The following CDC14A variants were observed in gnomAD, a reference collection of about 807,000 sequenced individuals.
CDC14A encodes the protein dual specificity protein phosphatase CDC14A.
Under a neutral mutation model 74.4 loss-of-function variants are expected in CDC14A, and 53 were observed. That is an observed-to-expected ratio of 0.71 (90% CI 0.57 to 0.89). The LOEUF (loss-of-function observed/expected upper bound fraction) is 0.89. Ranked by LOEUF, CDC14A falls within the 40% of genes least tolerant of loss-of-function variation. The pLI is 0.00. For missense variants in CDC14A, 646 were observed against 713.7 expected, an observed-to-expected ratio of 0.91 and a Z score of 1.08; for synonymous variants, 247 against 258.4, an observed-to-expected ratio of 0.96 and a Z score of 0.43.
Position 100,499,260 on chromosome 1 carries a change from C to T in CDC14A, c.1753C>T (p.Pro585Ser). The change falls in exon 15 of 16, where the codon CCT (proline) becomes TCT (serine). Residue 585 changes from proline (P) to serine (S), a missense_variant and splice_region_variant. Pro to Ser is a moderately conservative substitution (Grantham distance 74). Coordinates refer to ENST00000336454, the MANE Select transcript of CDC14A (RefSeq NM_003672.4). ...AGCGAGATTCCTGAGCCGTTCTATC[C>T]CTGTAAGTGCGCAGACACCACCTCC... ...SSARFLSRSI[P>S]SLQSEYVHY is the part of the protein sequence containing the mutation. The T allele has an allele frequency of 6.2e-7, 1 of 1,614,174 alleles. No homozygotes were observed. The highest frequency in any genetic ancestry group is 1.1e-5 in the South Asian group (1 of 91,084).
intron 4 of CDC14A, among the ~76,000 whole-genome samples, chr1:100,401,127 T>G (rs1169754090): frequency 6.6e-6 from 1 of 152,220 alleles, no homozygotes; most frequent in Admixed American, 6.5e-5. Context: ...CATTTTAGGT[T>G]GGTGCAAAAG....
At chr1:100,381,982 AATT>A (rs778960738) in intron 3 of CDC14A, among the ~76,000 whole-genome samples, 4 of 152,064 alleles carry the variant, frequency 2.6e-5, no homozygotes, top group Non-Finnish European at 4.4e-5. Flanking sequence ...CTTGAGCTGG[AATT>A]ATTATTCTGG....
intron 15 of CDC14A, among the ~76,000 whole-genome samples, chr1:100,501,096 C>T (rs146898363): frequency 5.0e-4 from 76 of 152,148 alleles, no homozygotes; most frequent in Non-Finnish European, 8.1e-4. Flanking sequence ...TGATTCTGAT[C>T]CCATGATCCC....
At chr1:100,447,005 G>A (rs998445283) in intron 7 of CDC14A, among the ~76,000 whole-genome samples, 1 of 152,126 alleles carries the variant, frequency 6.6e-6, no homozygotes, top group African/African-American at 2.4e-5. Context: ...GGCCTCCAGT[G>A]TGCAGTTTAT....
intron 11 of CDC14A, among the ~76,000 whole-genome samples, chr1:100,491,462 A>G (rs962863057): frequency 6.7e-6 from 1 of 148,168 alleles, no homozygotes; most frequent in Non-Finnish European, 1.5e-5. Context: ...ATCTCCATAT[A>G]TATGGTAAAT....
intron 10 of CDC14A, among the ~76,000 whole-genome samples, chr1:100,471,238 A>C (rs2101278177): frequency 6.6e-6 from 1 of 152,296 alleles, no homozygotes; most frequent in Non-Finnish European, 1.5e-5. Context: ...GATAGAAATC[A>C]GAAAGCAATT....
chr1:100,423,134 C>T (rs1023544935), intron 4 of CDC14A, among the ~76,000 whole-genome samples: 7 of 152,212 alleles, frequency 4.6e-5, no homozygotes, highest in Admixed American at 2.0e-4. Flanking sequence ...TGAGCTCTCC[C>T]AGTGGTTTGT....
rs533794066 is a variant in CDC14A, at chr1:100,366,198, T to C, written c.141-11348T>C. The stretch of plus-strand genomic sequence containing the variant: ...GTTGGCATGCCTTATAACGATCTTA[T>C]AGAATTTATTCATCCTGTTTTTAAA... On this transcript the variant is annotated intron_variant, in intron 2 of 15. Transcript: ENST00000336454. Among the ~76,000 whole-genome samples the C allele has an allele frequency of 1.4e-4, 21 of 152,350 alleles. 1 individual carries two copies. Among genetic ancestry groups the C allele is most frequent in the Non-Finnish European group, 2.9e-5 (2 of 68,040 alleles).
At chr1:100,350,997 G>A (rs374181448), upstream of CDC14A, among the ~76,000 whole-genome samples, 1 of 152,074 alleles carries the variant, frequency 6.6e-6, no homozygotes, top group African/African-American at 2.4e-5. Flanking sequence ...AACTGGAGAC[G>A]AGCCTGGCCA....
intron 7 of CDC14A, among the ~76,000 whole-genome samples, chr1:100,448,736 T>A (rs1189489845): frequency 1.3e-5 from 2 of 152,238 alleles, no homozygotes; most frequent in African/African-American, 4.8e-5. Context: ...ATGCTCCTTA[T>A]GGCCTCATTC....
chr1:100,414,011 T>G (rs1661204176), intron 4 of CDC14A, among the ~76,000 whole-genome samples: 1 of 152,346 alleles, frequency 6.6e-6, no homozygotes, highest in South Asian at 2.1e-4. Context: ...CACACTTACT[T>G]AATTATTTTA....
rs193192013 is a variant in CDC14A at position 100,365,077 on chromosome 1, T to C, written c.140+11225T>C. ...ATGCATCAAGGGACAGGATTGATAG[T>C]TGATATTGGGGTTCTCTCCTTCCTT... On this transcript the variant is annotated intron_variant, in intron 2 of 15. Transcript: ENST00000336454. 3.6e-3 allele frequency among the ~76,000 whole-genome samples: 555 copies of C among 152,340 alleles called. 1 individual carries two copies. Among genetic ancestry groups the C allele is most frequent in the Non-Finnish European group, 6.2e-3 (423 of 68,032 alleles).
upstream of CDC14A, chr1:100,351,930 T>G: frequency 1.2e-6 from 1 of 825,232 alleles, no homozygotes. Flanking sequence ...GCTGAAATGT[T>G]AGCTAGAGGC....
upstream of CDC14A, among the ~76,000 whole-genome samples, chr1:100,352,212 A>G (rs1651135122): frequency 6.6e-6 from 1 of 152,082 alleles, no homozygotes; most frequent in African/African-American, 2.4e-5. Context: ...TTCATTCATA[A>G]GTTTCTGGCC....
upstream of CDC14A, among the ~76,000 whole-genome samples, chr1:100,352,154 C>G (rs892244944): frequency 2.6e-5 from 4 of 152,176 alleles, no homozygotes; most frequent in Admixed American, 2.0e-4. Context: ...TCCTAGCCTC[C>G]GAGGCCGCGA....
intron 15 of CDC14A, among the ~76,000 whole-genome samples, chr1:100,514,566 A>G (rs1389190257): frequency 6.6e-6 from 1 of 152,186 alleles, no homozygotes; most frequent in African/African-American, 2.4e-5. Flanking sequence ...ACATTAAACT[A>G]TGGTAGCTAA....
At chr1:100,417,114 G>C (rs1176960716) in intron 4 of CDC14A, among the ~76,000 whole-genome samples, 1 of 152,202 alleles carries the variant, frequency 6.6e-6, no homozygotes, top group East Asian at 1.9e-4. Flanking sequence ...GAATTTGAAG[G>C]AGAAGGCAGA....
At chr1:100,420,143 T>C in intron 4 of CDC14A, among the ~76,000 whole-genome samples, 1 of 137,530 alleles carries the variant, frequency 7.3e-6, no homozygotes, top group Non-Finnish European at 1.6e-5. Context: ...TTTTTTTTTT[T>C]TTGGAGGAAA....
intron 11 of CDC14A, chr1:100,485,918 A>G (rs1410472359): frequency 6.6e-6 from 1 of 152,332 alleles, no homozygotes; most frequent in Non-Finnish European, 1.5e-5. Context: ...AAGTTTACCC[A>G]TTCGAGTCAT....
Sources: gnomAD v4.1 joint callset for allele counts (sites outside exome capture counted in the v4.1 genomes callset) on GRCh38, gnomAD v4.1.1 for gene constraint, MANE v1.5 for transcripts, NCBI Gene and HGNC (gene_info 2026-07-23, HGNC 2026-07-21) for gene names.